Variants in ASIC2 observed in about 807,000 individuals in gnomAD.
ASIC2 encodes acid sensing ion channel subunit 2.
In ASIC2, 25 loss-of-function variants were observed where a neutral mutation model predicts 57.3. The observed-to-expected ratio is 0.44, with a 90% CI of 0.32 to 0.61. ASIC2 has a LOEUF of 0.61. Among genes scored for constraint, ASIC2 ranks in the 20% least tolerant of loss-of-function variants. ASIC2 has a pLI of 0.06. For missense variants in ASIC2, 641 were observed against 738.1 expected (o/e 0.87, Z 1.52); for synonymous variants, 319 against 307.5 (o/e 1.04, Z -0.39).
intron 1 of ASIC2, among the ~76,000 whole-genome samples, chr17:33,842,118 C>A (rs921830149): frequency 6.6e-6 from 1 of 152,204 alleles, no homozygotes; most frequent in Non-Finnish European, 1.5e-5. Flanking sequence ...GGCCCAGAGA[C>A]AGCAGGCTGG....
intron 3 of ASIC2, among the ~76,000 whole-genome samples, 160 bp downstream of exon 3, chr17:33,088,703 G>A (rs111479217): frequency 1.3e-5 from 2 of 152,226 alleles, no homozygotes; most frequent in Admixed American, 6.5e-5. Flanking sequence ...GGGAACAACA[G>A]GTGGTACAGG....
At chr17:33,232,389 GCC>G (rs1908125987) in intron 1 of ASIC2, among the ~76,000 whole-genome samples, 1 of 151,878 alleles carries the variant, frequency 6.6e-6, no homozygotes, top group South Asian at 2.1e-4. Context: ...TGGTATGGCA[GCC>G]TAGGTATGGT....
intron 1 of ASIC2, among the ~76,000 whole-genome samples, chr17:33,850,743 A>C (rs1913741850): frequency 6.6e-6 from 1 of 152,118 alleles, no homozygotes. Context: ...GGTGCTATGC[A>C]TTGAGCCCCA....
intron 1 of ASIC2, chr17:33,572,171 A>C (rs1478600754): frequency 6.6e-6 from 1 of 152,192 alleles, no homozygotes; most frequent in Non-Finnish European, 1.5e-5. Flanking sequence ...TGTGACCTCT[A>C]TTGAATGTAA....
At chr17:33,266,213 G>C (rs1195869799) in intron 1 of ASIC2, among the ~76,000 whole-genome samples, 1 of 152,136 alleles carries the variant, frequency 6.6e-6, no homozygotes, top group African/African-American at 2.4e-5. Context: ...TTTGAGTTCT[G>C]TATACAACAC....
chr17:33,168,459 A>G (rs1356147583), intron 1 of ASIC2, among the ~76,000 whole-genome samples: 1 of 152,028 alleles, frequency 6.6e-6, no homozygotes, highest in Admixed American at 6.6e-5. Context: ...GAACTCTTAG[A>G]AATTACTTAA....
chr17:33,454,202 G>A (rs752131786), intron 1 of ASIC2, among the ~76,000 whole-genome samples: 17 of 152,234 alleles, frequency 1.1e-4, no homozygotes, highest in Non-Finnish European at 2.5e-4. Flanking sequence ...GTCTTACACA[G>A]TGGTGTTGTG....
chr17:33,922,183 A>G (rs957670733), intron 1 of ASIC2, among the ~76,000 whole-genome samples: 4 of 152,166 alleles, frequency 2.6e-5, no homozygotes. Context: ...TAAGACCAGT[A>G]TTGAATCCTT....
intron 1 of ASIC2, among the ~76,000 whole-genome samples, chr17:33,893,771 T>C (rs1915021020): frequency 6.6e-6 from 1 of 152,226 alleles, no homozygotes; most frequent in African/African-American, 2.4e-5. Flanking sequence ...ATAAGTCACA[T>C]GGTGTTGTAC....
intron 1 of ASIC2, among the ~76,000 whole-genome samples, chr17:33,278,719 TTGAA>T (rs1332039063): frequency 2.0e-5 from 3 of 152,178 alleles, no homozygotes; most frequent in South Asian, 2.1e-4. Context: ...TAACTCTTTA[TTGAA>T]TGAATGAATG....
chr17:33,756,167 C>T (rs1195862642), intron 1 of ASIC2, among the ~76,000 whole-genome samples: 1 of 152,246 alleles, frequency 6.6e-6, no homozygotes, highest in Non-Finnish European at 1.5e-5. Context: ...GCATGGCCTT[C>T]AGCCAGCCAG....
chr17:33,715,575 A>G (rs1254496125), intron 1 of ASIC2, among the ~76,000 whole-genome samples: 1 of 152,208 alleles, frequency 6.6e-6, no homozygotes, highest in East Asian at 1.9e-4. Flanking sequence ...TGGCATTGTA[A>G]TGGCAGAACA....
intron 1 of ASIC2, among the ~76,000 whole-genome samples, chr17:33,618,428 G>C (rs1323225045): frequency 6.6e-6 from 1 of 152,026 alleles, no homozygotes; most frequent in Non-Finnish European, 1.5e-5. Flanking sequence ...GCTCATTCTG[G>C]AATGGTCTGT....
chr17:33,396,940 TA>T (rs1375292116), intron 1 of ASIC2, among the ~76,000 whole-genome samples: 2 of 152,196 alleles, frequency 1.3e-5, no homozygotes, highest in African/African-American at 4.8e-5. Context: ...TTATAATAGC[TA>T]GGCACAAGTG....
At chr17:34,155,735 C>T in intron 1 of ASIC2, 1 of 505,550 alleles carries the variant, frequency 2.0e-6, no homozygotes, top group Non-Finnish European at 3.5e-6. Flanking sequence ...GGGAAGTGAT[C>T]CCCCACCGCA....
At chr17:34,153,751 G>A (rs187142029) in intron 1 of ASIC2, among the ~76,000 whole-genome samples, 2 of 152,322 alleles carry the variant, frequency 1.3e-5, no homozygotes, top group African/African-American at 2.4e-5. Flanking sequence ...CACACATAGA[G>A]GGCCAGCCTG....
chr17:33,932,717 A>T (rs2348158), intron 1 of ASIC2: 1 of 33,790 alleles, frequency 3.0e-5, no homozygotes. Context: ...TTGTTTCAAA[A>T]AAAAAAAAAA....
chr17:33,267,423 A>T (rs1304988346), intron 1 of ASIC2, among the ~76,000 whole-genome samples: 1 of 152,178 alleles, frequency 6.6e-6, no homozygotes, highest in Non-Finnish European at 1.5e-5. Context: ...ACTGAATCTG[A>T]TATAATCTGA....
chr17:34,048,783 G>A (rs6505392), intron 1 of ASIC2, among the ~76,000 whole-genome samples: 19,732 of 152,254 alleles, frequency 0.13, 1,364 homozygotes, highest in South Asian at 0.19. Flanking sequence ...GCAGATAAGA[G>A]ATGGTATGTT....
Sources: gnomAD v4.1 joint callset for allele counts (sites outside exome capture counted in the v4.1 genomes callset) on GRCh38, gnomAD v4.1.1 for gene constraint, MANE v1.5 for transcripts, NCBI Gene and HGNC (gene_info 2026-07-23, HGNC 2026-07-21) for gene names.